Variants in HECW2 observed in about 807,000 individuals in gnomAD.
The protein encoded by HECW2 is E3 ubiquitin-protein ligase HECW2.
HECW2 carries 61 observed loss-of-function variants against 175.2 expected under a neutral mutation model. The observed-to-expected ratio is 0.35, with a 90% CI of 0.28 to 0.43. The LOEUF is 0.43. Ranked by LOEUF, HECW2 falls within the 20% of genes least tolerant of loss-of-function variation. The pLI is 1.00. For missense variants in HECW2, 1,524 were observed against 2,000.5 expected (o/e 0.76, Z 4.54); for synonymous variants, 671 against 731.0 (o/e 0.92, Z 1.32).
intron 1 of HECW2, among the ~76,000 whole-genome samples, chr2:196,489,541 C>G (rs1687117891): frequency 6.6e-6 from 1 of 152,140 alleles, no homozygotes; most frequent in Non-Finnish European, 1.5e-5. Flanking sequence ...CCTTTCCTTC[C>G]AATCATTAAA....
chr2:196,395,808 A>G (rs1388286927), intron 2 of HECW2, among the ~76,000 whole-genome samples: 1 of 152,074 alleles, frequency 6.6e-6, no homozygotes, highest in Non-Finnish European at 1.5e-5. Context: ...AGCTGCTATG[A>G]AAAATTATAC....
At chr2:196,547,376 C>A (rs559486297) in intron 1 of HECW2, among the ~76,000 whole-genome samples, 9 of 152,228 alleles carry the variant, frequency 5.9e-5, no homozygotes, top group African/African-American at 2.2e-4. Flanking sequence ...CTGAATCCTG[C>A]CTTTATAATA....
At chr2:196,521,282 C>CAAAAAAAAA (rs1158051512) in intron 1 of HECW2, among the ~76,000 whole-genome samples, 52 of 53,586 alleles carry the variant, frequency 9.7e-4, no homozygotes, top group Non-Finnish European at 1.5e-3. Context: ...ACGTGAGTAA[C>CAAAAAAAAA]AAAAAAAAAA....
chr2:196,275,644 C>T (rs543355263), intron 15 of HECW2, among the ~76,000 whole-genome samples: 264 of 151,836 alleles, frequency 1.7e-3, no homozygotes, highest in African/African-American at 6.2e-3. Context: ...CCCAGCTACT[C>T]GGGAGGCTGA....
chr2:196,281,494 C>T (rs983069602), intron 14 of HECW2, among the ~76,000 whole-genome samples: 21 of 151,280 alleles, frequency 1.4e-4, no homozygotes, highest in Middle Eastern at 3.2e-3. Flanking sequence ...AAAAATTATC[C>T]GGGCATGTGG....
At chr2:196,338,608 T>G (rs1317609643) in intron 3 of HECW2, among the ~76,000 whole-genome samples, 5 of 152,214 alleles carry the variant, frequency 3.3e-5, no homozygotes. Context: ...ATCCATCATC[T>G]TAAATAGCTA....
In HECW2 at chr2:196,537,829, T is replaced by C. The variant is rs116393634; in HGVS notation, c.-36+55679A>G. On this transcript the variant is annotated intron_variant, in intron 1 of 28. Transcript: ENST00000644978. Reference sequence around the variant, plus strand: ...TAATAATATTGATTCTTGCAAAATATAGCAATTGAGAAAATTAATCCTTTA... The same window carrying C: ...TAATAATATTGATTCTTGCAAAATACAGCAATTGAGAAAATTAATCCTTTA... Among the ~76,000 whole-genome samples, 1,101 of 152,340 alleles carry C rather than the reference T, an allele frequency of 7.2e-3. 21 individuals are homozygous for C. The highest frequency in any genetic ancestry group is 0.025 in the African/African-American group (1,056 of 41,580).
rs1405261880 is a variant in HECW2, at chr2:196,319,037, T to C, written c.1853A>G (p.Asp618Gly). ...GCTCACACTCTCTGTCCTGGCAGGA[T>C]CACTGGGTTCTGTTTCAGAGGACAC... ...SQVSSETEPS[D>G]PARTESVSEA... is the part of the protein sequence containing the mutation. The change falls in exon 9 of 29, where the codon GAT becomes GGT. Residue 618 changes from aspartate (D) to glycine (G), a missense_variant. Asp to Gly is a moderately conservative substitution (Grantham distance 94). Around this residue, in one of 11 missense-constraint regions of HECW2, gnomAD observed 604 missense variants for 588.3 expected, o/e 1.03. Coordinates refer to ENST00000644978, the MANE Select transcript of HECW2 (RefSeq NM_001348768.2). 1 of 1,613,826 alleles carries C rather than the reference T, an allele frequency of 6.2e-7. No individual in the cohort carries two copies. The highest frequency in any genetic ancestry group is 1.7e-5 in the Admixed American group (1 of 59,970).
intron 10 of HECW2, among the ~76,000 whole-genome samples, chr2:196,310,059 A>G (rs1691429888): frequency 6.6e-6 from 1 of 152,230 alleles, no homozygotes; most frequent in South Asian, 2.1e-4. Context: ...AAGAGAGAAC[A>G]GCCAAATTAA....
intron 2 of HECW2, among the ~76,000 whole-genome samples, chr2:196,355,442 A>C (rs778642038): frequency 6.6e-6 from 1 of 152,244 alleles, no homozygotes; most frequent in Non-Finnish European, 1.5e-5. Context: ...GACAATGATG[A>C]TAAAATGCCT....
intron 2 of HECW2, among the ~76,000 whole-genome samples, chr2:196,349,861 C>T (rs1693108130): frequency 6.6e-6 from 1 of 152,160 alleles, no homozygotes; most frequent in Non-Finnish European, 1.5e-5. Flanking sequence ...AAATAGGCCC[C>T]TTTTCCTTCA....
At chr2:196,347,827 T>A (rs554270554) in intron 2 of HECW2, among the ~76,000 whole-genome samples, 6 of 152,264 alleles carry the variant, frequency 3.9e-5, no homozygotes, top group Non-Finnish European at 7.3e-5. Context: ...TTATTCTAGA[T>A]GGAAATTTTT....
intron 1 of HECW2, among the ~76,000 whole-genome samples, chr2:196,521,459 A>C (rs1177351240): frequency 1.3e-5 from 2 of 151,494 alleles, no homozygotes; most frequent in African/African-American, 2.4e-5. Flanking sequence ...CCTTCATTTT[A>C]TTTTATTTTA....
chr2:196,447,628 T>C (rs998196868), intron 1 of HECW2, among the ~76,000 whole-genome samples: 1 of 152,204 alleles, frequency 6.6e-6, no homozygotes, highest in South Asian at 2.1e-4. Context: ...ACAGAAGCCA[T>C]GGGAAAGTTA....
chr2:196,389,393 G>A (rs1172284944), intron 2 of HECW2, among the ~76,000 whole-genome samples: 2 of 152,090 alleles, frequency 1.3e-5, no homozygotes, highest in Non-Finnish European at 2.9e-5. Context: ...ATGGGCTCCT[G>A]GTCAAATACG....
intron 3 of HECW2, among the ~76,000 whole-genome samples, 162 bp from the exon 4 acceptor site, chr2:196,334,680 G>C (rs1692487032): frequency 6.6e-6 from 1 of 152,072 alleles, no homozygotes. Context: ...ATTTCTGTTT[G>C]ATTTTATATG....
chr2:196,367,432 ACAT>A (rs1260885233), intron 2 of HECW2, among the ~76,000 whole-genome samples: 1 of 152,204 alleles, frequency 6.6e-6, no homozygotes, highest in Admixed American at 6.5e-5. Context: ...CATAATAATC[ACAT>A]CAGGGTAAAT....
intron 1 of HECW2, among the ~76,000 whole-genome samples, chr2:196,511,395 G>A (rs939785125): frequency 6.6e-6 from 1 of 152,142 alleles, no homozygotes; most frequent in African/African-American, 2.4e-5. Flanking sequence ...ATGCTGTATT[G>A]TGTACTGCAG....
intron 1 of HECW2, among the ~76,000 whole-genome samples, chr2:196,444,936 C>A (rs931468290): frequency 1.2e-4 from 18 of 152,144 alleles, no homozygotes; most frequent in Non-Finnish European, 4.4e-5. Flanking sequence ...TTTCTCCCTG[C>A]AAATTTATCT....
Sources: allele counts gnomAD v4.1 joint callset (sites outside exome capture counted in the v4.1 genomes callset), GRCh38; gene constraint gnomAD v4.1.1; regional missense constraint gnomAD v4.1.1; transcripts MANE v1.5; gene names NCBI Gene and HGNC (gene_info 2026-07-23, HGNC 2026-07-21).